Variants in NXPH1 observed in about 807,000 individuals in gnomAD.
The protein encoded by NXPH1 is neurexophilin-1.
Under a neutral mutation model 23.7 loss-of-function variants are expected in NXPH1, and 5 were observed. The ratio of observed to expected loss-of-function variants is 0.21; its 90% CI spans 0.11 to 0.44. NXPH1 has a LOEUF of 0.44. NXPH1 is among the 20% of genes least tolerant of loss of function. The pLI is 0.99. For missense variants in NXPH1, 324 were observed against 321.6 expected, an observed-to-expected ratio of 1.01 and a Z score of -0.06; for synonymous variants, 144 against 122.2, an observed-to-expected ratio of 1.18 and a Z score of -1.18.
chr7:8,508,385 C>A (rs917029064), intron 2 of NXPH1, among the ~76,000 whole-genome samples: 57 of 152,080 alleles, frequency 3.7e-4, no homozygotes, highest in African/African-American at 1.4e-3. Context: ...AATATTATCT[C>A]CCTCATAGGG....
chr7:8,696,325 G>A (rs187906608), intron 2 of NXPH1, among the ~76,000 whole-genome samples: 2 of 152,314 alleles, frequency 1.3e-5, no homozygotes, highest in Admixed American at 6.5e-5. Flanking sequence ...TAATGACTAT[G>A]GGGACATTGG....
At chr7:8,601,672 T>C (rs1161708881) in intron 2 of NXPH1, among the ~76,000 whole-genome samples, 1 of 152,240 alleles carries the variant, frequency 6.6e-6, no homozygotes, top group Non-Finnish European at 1.5e-5. Flanking sequence ...GAATAGATCA[T>C]GTCAGGACCC....
chr7:8,554,098 T>C (rs1818318321), intron 2 of NXPH1, among the ~76,000 whole-genome samples: 1 of 151,642 alleles, frequency 6.6e-6, no homozygotes. Context: ...TTATGCTTGT[T>C]AAGAGCTAAG....
At chr7:8,574,815 C>A (rs1483597806) in intron 2 of NXPH1, among the ~76,000 whole-genome samples, 1 of 152,140 alleles carries the variant, frequency 6.6e-6, no homozygotes, top group Non-Finnish European at 1.5e-5. Context: ...GTTTCTCTGG[C>A]ATGGCTGTGC....
chr7:8,663,904 A>G (rs1211968032), intron 2 of NXPH1, among the ~76,000 whole-genome samples: 1 of 151,982 alleles, frequency 6.6e-6, no homozygotes, highest in African/African-American at 2.4e-5. Context: ...AGGTCTTGCT[A>G]CCCTTTTTAC....
At chr7:8,511,943 G>T (rs985843225) in intron 2 of NXPH1, among the ~76,000 whole-genome samples, 1 of 152,136 alleles carries the variant, frequency 6.6e-6, no homozygotes, top group African/African-American at 2.4e-5. Flanking sequence ...CTCAGGAATG[G>T]ATGACCCTGC....
intron 2 of NXPH1, among the ~76,000 whole-genome samples, chr7:8,678,015 A>G (rs997260370): frequency 2.0e-5 from 3 of 152,124 alleles, no homozygotes; most frequent in South Asian, 2.1e-4. Flanking sequence ...AAACATCTCA[A>G]TGTTGTATGT....
rs770611217 is a variant in NXPH1, at chr7:8,751,082, G to A, written c.129G>A (p.Lys43=). The change falls in exon 3 of 3, where the codon AAG becomes AAA. Residue 43 remains lysine, a synonymous_variant. Coordinates refer to ENST00000405863, the MANE Select transcript of NXPH1 (RefSeq NM_152745.3). The surrounding 1 kb of genome is among the most constrained non-coding windows in gnomAD (Gnocchi z 4.5). ...LKSGSSKSTL[K]HIWTESSKDL... The stretch of plus-strand genomic sequence containing the variant: ...CAGGAAGCAGCAAATCCACACTAAA[G>A]CACATATGGACAGAAAGCAGCAAAG... 2 of 1,613,810 alleles carry A rather than the reference G, an allele frequency of 1.2e-6. No individual in the cohort carries two copies.
At chr7:8,612,957 A>G (rs1253830920) in intron 2 of NXPH1, among the ~76,000 whole-genome samples, 2 of 152,042 alleles carry the variant, frequency 1.3e-5, no homozygotes, top group East Asian at 3.8e-4. Flanking sequence ...GTTGGGTAGG[A>G]TGTGACCAGG....
At chr7:8,582,850 C>G (rs1211461116) in intron 2 of NXPH1, among the ~76,000 whole-genome samples, 1 of 152,182 alleles carries the variant, frequency 6.6e-6, no homozygotes, top group African/African-American at 2.4e-5. Flanking sequence ...CCACCCCTTT[C>G]CACCCAGGAG....
chr7:8,708,193 A>T (rs1007471574), intron 2 of NXPH1, among the ~76,000 whole-genome samples: 1 of 152,174 alleles, frequency 6.6e-6, no homozygotes, highest in East Asian at 1.9e-4. Flanking sequence ...AAAATGATCA[A>T]ACATGAGGAA....
At chr7:8,452,034 G>C (rs894753386) in intron 2 of NXPH1, among the ~76,000 whole-genome samples, 1 of 152,128 alleles carries the variant, frequency 6.6e-6, no homozygotes, top group Non-Finnish European at 1.5e-5. Flanking sequence ...TGGAAAAGCT[G>C]ACAGAAGAAA....
chr7:8,745,503 TAA>T (rs547126407), intron 2 of NXPH1, among the ~76,000 whole-genome samples: 173 of 149,560 alleles, frequency 1.2e-3, no homozygotes, highest in African/African-American at 4.3e-3. Flanking sequence ...TAGAGAATAA[TAA>T]GTTTTTTTTT....
chr7:8,662,987 G>T (rs2115163420), intron 2 of NXPH1, among the ~76,000 whole-genome samples: 1 of 152,174 alleles, frequency 6.6e-6, no homozygotes, highest in South Asian at 2.1e-4. Flanking sequence ...AACACAGTAA[G>T]TGCTAAAGGA....
intron 2 of NXPH1, among the ~76,000 whole-genome samples, chr7:8,679,226 T>C (rs988287970): frequency 1.2e-4 from 18 of 152,062 alleles, no homozygotes; most frequent in South Asian, 4.2e-4. Context: ...AGATTACAGG[T>C]GTGAGCCACC....
chr7:8,652,445 G>A lies in NXPH1; in HGVS notation c.55-98563G>A, dbSNP rs186254445. Among the ~76,000 whole-genome samples, 159 of 151,930 alleles carry A rather than the reference G, an allele frequency of 1.0e-3. 1 individual carries two copies. The highest frequency in any genetic ancestry group is 3.6e-3 in the African/African-American group (151 of 41,432). On this transcript the variant is annotated intron_variant, in intron 2 of 2. Coordinates refer to ENST00000405863, the MANE Select transcript of NXPH1 (RefSeq NM_152745.3). ...TTTATATCATACTTATTTCCATATCGATAAATGTGCCTCTACAACTTATAT... is the reference window on the plus strand; with the variant it reads ...TTTATATCATACTTATTTCCATATCAATAAATGTGCCTCTACAACTTATAT...
chr7:8,736,486 C>T (rs897132905), intron 2 of NXPH1, among the ~76,000 whole-genome samples: 1 of 152,152 alleles, frequency 6.6e-6, no homozygotes, highest in African/African-American at 2.4e-5. Flanking sequence ...GCACTGTGGC[C>T]TGAGAGACTG....
At chr7:8,710,508 C>CT (rs1779771253) in intron 2 of NXPH1, among the ~76,000 whole-genome samples, 1 of 152,110 alleles carries the variant, frequency 6.6e-6, no homozygotes, top group Non-Finnish European at 1.5e-5. Flanking sequence ...GCCTTGAGTA[C>CT]TTTTTCAGGA....
chr7:8,728,947 C>T (rs62446356), intron 2 of NXPH1, among the ~76,000 whole-genome samples: 21,302 of 143,294 alleles, frequency 0.15, 1,634 homozygotes, highest in South Asian at 0.21. Context: ...TGGTAGAATT[C>T]GGCTGTGAAT....
Sources: allele counts gnomAD v4.1 joint callset (sites outside exome capture counted in the v4.1 genomes callset), GRCh38; gene constraint gnomAD v4.1.1; non-coding constraint Gnocchi (gnomAD v3.1); transcripts MANE v1.5; gene names NCBI Gene and HGNC (gene_info 2026-07-23, HGNC 2026-07-21).